The following ZFHX3 variants were observed in gnomAD, a reference collection of about 807,000 sequenced individuals.
The protein encoded by ZFHX3 is zinc finger homeobox protein 3.
In ZFHX3, 42 loss-of-function variants were observed where a neutral mutation model predicts 279.1. The observed-to-expected ratio is 0.15, with a 90% CI of 0.12 to 0.19. The LOEUF is 0.19. ZFHX3 is among the 10% of genes least tolerant of loss of function. The probability of loss-of-function intolerance (pLI) is 1.00; values close to 1 mark genes in which losing one functional copy is unlikely to be tolerated. For missense variants in ZFHX3, 4,981 were observed against 4,754.0 expected (o/e 1.05, Z -1.40); for synonymous variants, 2,293 against 1,957.8 (o/e 1.17, Z -4.52).
rs141981314 is a variant in ZFHX3, at chr16:73,297,013, G to T, written c.-1194+21227C>A. Among the ~76,000 whole-genome samples, 1,487 of 151,248 alleles carry T rather than the reference G, an allele frequency of 9.8e-3. 16 individuals are homozygous for T. The highest frequency in any genetic ancestry group is 0.014 in the Non-Finnish European group (963 of 67,898). On this transcript the variant is annotated intron_variant, in intron 4 of 17. Coordinates refer to the ZFHX3 transcript ENST00000641206. ...CTGCCTCAGCCTCCCTAGTAGCTGGGACTACAGGCGCCCACCACCCTGCCC... is the reference window on the plus strand; with the variant it reads ...CTGCCTCAGCCTCCCTAGTAGCTGGTACTACAGGCGCCCACCACCCTGCCC...
chr16:73,593,344 A>G (rs1036449102), intron 2 of ZFHX3, among the ~76,000 whole-genome samples: 8 of 152,314 alleles, frequency 5.3e-5, no homozygotes, highest in African/African-American at 1.9e-4. Flanking sequence ...GAAAACATCA[A>G]TCAAAAAATA....
chr16:73,567,184 C>T (rs2020463936), intron 2 of ZFHX3, among the ~76,000 whole-genome samples: 1 of 152,160 alleles, frequency 6.6e-6, no homozygotes, highest in Non-Finnish European at 1.5e-5. Context: ...AGTCATTGGA[C>T]ACTAATCTCC....
intron 1 of ZFHX3, among the ~76,000 whole-genome samples, chr16:73,741,720 C>T (rs929355183): frequency 6.6e-6 from 1 of 152,098 alleles, no homozygotes; most frequent in African/African-American, 2.4e-5. Context: ...CTTTTATATC[C>T]TTTTTTATTC....
At chr16:73,606,180 T>A (rs1597024211) in intron 2 of ZFHX3, among the ~76,000 whole-genome samples, 1 of 35,212 alleles carries the variant, frequency 2.8e-5, no homozygotes, top group African/African-American at 1.5e-4. Context: ...AGGCTCCATC[T>A]AAAAAAAAAA....
At chr16:73,643,541 GA>G (rs1464633468) in intron 2 of ZFHX3, among the ~76,000 whole-genome samples, 2 of 152,186 alleles carry the variant, frequency 1.3e-5, no homozygotes, top group Non-Finnish European at 2.9e-5. Context: ...ATGACATCTT[GA>G]ACTATGCTTT....
chr16:73,363,085 T>C (rs1412660504), intron 3 of ZFHX3, among the ~76,000 whole-genome samples: 1 of 152,162 alleles, frequency 6.6e-6, no homozygotes, highest in Non-Finnish European at 1.5e-5. Flanking sequence ...ACAAGTGACA[T>C]TGTGTGAGTC....
chr16:72,826,682 A>G (rs1169818626), intron 5 of ZFHX3, among the ~76,000 whole-genome samples: 2 of 152,220 alleles, frequency 1.3e-5, no homozygotes, highest in African/African-American at 2.4e-5. Flanking sequence ...GAGTCGGGAA[A>G]GAATTTTCCC....
chr16:73,292,106 A>G (rs1458037439), intron 4 of ZFHX3, among the ~76,000 whole-genome samples: 1 of 152,182 alleles, frequency 6.6e-6, no homozygotes, highest in African/African-American at 2.4e-5. Context: ...AGATAGTTGT[A>G]TAGATTGGGG....
intron 1 of ZFHX3, among the ~76,000 whole-genome samples, chr16:73,886,058 A>G (rs1376027515): frequency 6.6e-6 from 1 of 152,192 alleles, no homozygotes; most frequent in Non-Finnish European, 1.5e-5. Flanking sequence ...TCAAATTCAA[A>G]TTAATCCTGA....
At chr16:73,024,459 A>G (rs965415483) in intron 1 of ZFHX3, among the ~76,000 whole-genome samples, 7 of 152,160 alleles carry the variant, frequency 4.6e-5, no homozygotes, top group Non-Finnish European at 2.9e-5. Flanking sequence ...ATCATGCACC[A>G]TTGACTACCC....
rs535242815 is a variant in ZFHX3, at chr16:72,890,888, C to T, written c.3217-926G>A. Reference sequence around the variant, plus strand: ...ACAGTTATGACAGAGATGGTATAGTCCACAAAGTCTAGATTATTACTATAG... The same window carrying T: ...ACAGTTATGACAGAGATGGTATAGTTCACAAAGTCTAGATTATTACTATAG... On this transcript the variant is annotated intron_variant, in intron 3 of 9. Transcript: ENST00000268489. 4.6e-5 allele frequency among the ~76,000 whole-genome samples: 7 copies of T among 152,286 alleles called. No homozygotes were observed. In the South Asian group the frequency reaches 1.5e-3, roughly 32 times the overall value.
At chr16:73,545,228 A>T (rs930998046) in intron 2 of ZFHX3, among the ~76,000 whole-genome samples, 1 of 152,142 alleles carries the variant, frequency 6.6e-6, no homozygotes, top group African/African-American at 2.4e-5. Context: ...CCATAAACCT[A>T]TCCTGTTGGC....
At chr16:73,699,070 A>T (rs1161441984) in intron 1 of ZFHX3, among the ~76,000 whole-genome samples, 1 of 152,124 alleles carries the variant, frequency 6.6e-6, no homozygotes. Context: ...TTTTTAGTAG[A>T]GACAAGGTTT....
At chr16:73,092,669 GAC>G in intron 8 of ZFHX3, 1 of 275,316 alleles carries the variant, frequency 3.6e-6, no homozygotes, top group East Asian at 9.8e-5. Context: ...CCACTCCCGG[GAC>G]ACACACGCGG....
chr16:73,640,922 T>TAAGGG (rs2052567543), intron 2 of ZFHX3, among the ~76,000 whole-genome samples: 1 of 152,072 alleles, frequency 6.6e-6, no homozygotes, highest in Non-Finnish European at 1.5e-5. Context: ...ATTGGAATCT[T>TAAGGG]AGAGAGGCTT....
intron 7 of ZFHX3, among the ~76,000 whole-genome samples, chr16:73,118,420 G>A (rs1351981420): frequency 2.0e-5 from 3 of 152,070 alleles, no homozygotes; most frequent in African/African-American, 7.2e-5. Context: ...TGTTGGCCAG[G>A]CTGGTCTTGA....
chr16:73,498,662 C>T (rs903278157), intron 2 of ZFHX3, among the ~76,000 whole-genome samples: 3 of 152,154 alleles, frequency 2.0e-5, no homozygotes, highest in Admixed American at 6.5e-5. Context: ...CCAAGTTCAT[C>T]AACACCTCCT....
intron 9 of ZFHX3, chr16:72,789,114 T>G: frequency 1.5e-5 from 6 of 390,966 alleles, no homozygotes; most frequent in Non-Finnish European, 2.7e-5. Flanking sequence ...GGCTCAGAGC[T>G]GGACAACCTT....
rs2144077201 is a variant in ZFHX3, at chr16:72,890,060, C to T, written c.3217-98G>A. The stretch of plus-strand genomic sequence containing the variant: ...ATCCTGGTCACAGCCAGAGGCATGC[C>T]TCCAGGGGACACATCTCCACAGCCA... On this transcript the variant is annotated intron_variant, in intron 3 of 9. Coordinates refer to ENST00000268489, the MANE Select transcript of ZFHX3 (RefSeq NM_006885.4). 5 of 1,075,012 alleles carry T rather than the reference C, an allele frequency of 4.7e-6. No homozygotes were observed. The South Asian group carries it at 7.8e-5, about 17-fold the overall frequency. The allele number at this position is 1,075,012 out of a possible 1,614,324, so 66.6% of individuals were successfully genotyped here.
Sources: gnomAD v4.1 joint callset for allele counts (sites outside exome capture counted in the v4.1 genomes callset) on GRCh38, gnomAD v4.1.1 for gene constraint, MANE v1.5 for transcripts, NCBI Gene and HGNC (gene_info 2026-07-23, HGNC 2026-07-21) for gene names.